Variants in USP47 observed in about 807,000 individuals in gnomAD.
USP47 encodes ubiquitin specific peptidase 47.
Under a neutral mutation model 165.1 loss-of-function variants are expected in USP47, and 35 were observed. The ratio of observed to expected loss-of-function variants is 0.21; its 90% confidence interval spans 0.16 to 0.28. The LOEUF (loss-of-function observed/expected upper bound fraction) is 0.28, where lower values mean the gene tolerates loss of function less well. USP47 is among the 10% of genes least tolerant of loss of function. The probability of loss-of-function intolerance (pLI) is 1.00; values close to 1 mark genes in which losing one functional copy is unlikely to be tolerated. For synonymous variants in USP47, 531 were observed against 544.5 expected (o/e 0.98, Z 0.35); for missense variants, 1,277 against 1,607.4 (o/e 0.79, Z 3.52).
chr11:11,955,077 A>G lies in USP47; in HGVS notation c.3806A>G (p.His1269Arg). 6.2e-7 allele frequency: 1 copy of G among 1,613,836 alleles called. No individual in the cohort carries two copies. The highest frequency in any genetic ancestry group is 8.5e-7 in the Non-Finnish European group (1 of 1,179,908). Reference protein sequence around the residue: ...FPCDISVLDIHQDLDWNPKVS... With the variant: ...FPCDISVLDIRQDLDWNPKVS... Reference sequence around the variant, plus strand: ...TGTGATATTTCTGTCCTTGATATTCATCAGGATTTAGACTGGAATCCTAAA... The same window carrying G: ...TGTGATATTTCTGTCCTTGATATTCGTCAGGATTTAGACTGGAATCCTAAA... Residue 1269 changes from histidine to arginine, a missense_variant, in exon 27 of 28, where the codon CAT becomes CGT. His to Arg is a conservative substitution (Grantham distance 29, BLOSUM62 0). Coordinates refer to ENST00000527733, the MANE Select transcript of USP47 (RefSeq NM_001282659.2).
At chr11:11,926,769 G>T (rs1590395286) in intron 11 of USP47, among the ~76,000 whole-genome samples, 2 of 140,284 alleles carry the variant, frequency 1.4e-5, no homozygotes, top group Non-Finnish European at 1.6e-5. Flanking sequence ...TTCTATTTCT[G>T]GTTCCTTGTG....
intron 7 of USP47, among the ~76,000 whole-genome samples, chr11:11,905,092 A>G (rs1290848284): frequency 2.0e-5 from 3 of 151,908 alleles, no homozygotes; most frequent in African/African-American, 7.2e-5. Flanking sequence ...CAAAACATTA[A>G]TCGTTCGGTT....
chr11:11,849,542 A>G (rs994462733), intron 1 of USP47, among the ~76,000 whole-genome samples: 9 of 152,214 alleles, frequency 5.9e-5, no homozygotes, highest in Non-Finnish European at 1.2e-4. Context: ...ATTTAGCCCA[A>G]ACTATCTCTC....
Position 11,955,084 on chromosome 11 carries a change from T to C in USP47, c.3813T>C (p.Asp1271=), listed in dbSNP as rs1856475819. 1 of 1,613,804 alleles carries C rather than the reference T, an allele frequency of 6.2e-7. No homozygotes were observed. Among genetic ancestry groups the C allele is most frequent in the African/African-American group, 1.3e-5 (1 of 74,920 alleles). Residue 1271 remains aspartate (D), a synonymous_variant, in exon 27 of 28, where the codon GAT becomes GAC. Transcript: ENST00000527733. ...CDISVLDIHQ[D]LDWNPKVSTL... The stretch of plus-strand genomic sequence containing the variant: ...TTTCTGTCCTTGATATTCATCAGGA[T>C]TTAGACTGGAATCCTAAAGTTTCTA...
At chr11:11,868,947 T>C (rs1393429163) in intron 1 of USP47, among the ~76,000 whole-genome samples, 1 of 152,156 alleles carries the variant, frequency 6.6e-6, no homozygotes, top group Non-Finnish European at 1.5e-5. Context: ...CTTTTCATGA[T>C]TTTTGTCTAT....
chr11:11,954,991 CAGCT>C, intron 26 of USP47, 39 bp from the exon 27 acceptor site: 1 of 1,613,534 alleles, frequency 6.2e-7, no homozygotes, highest in South Asian at 1.1e-5. Flanking sequence ...ATGATAAACA[CAGCT>C]AGTGGCATGA....
chr11:11,955,815 GAAGT>G (rs1423184752), intron 27 of USP47, among the ~76,000 whole-genome samples, 182 bp from the exon 28 acceptor site: 2 of 152,198 alleles, frequency 1.3e-5, no homozygotes, highest in African/African-American at 4.8e-5. Flanking sequence ...GCCACTTTTA[GAAGT>G]AAGCAATATG....
intron 22 of USP47, chr11:11,948,821 GGCCCT>G: frequency 3.0e-6 from 1 of 329,206 alleles, no homozygotes; most frequent in Non-Finnish European, 5.6e-6. Flanking sequence ...CAGTGAACTT[GGCCCT>G]CAGGCCACTG....
intron 8 of USP47, among the ~76,000 whole-genome samples, chr11:11,919,447 A>G (rs1213155334): frequency 6.6e-6 from 1 of 151,936 alleles, no homozygotes; most frequent in Non-Finnish European, 1.5e-5. Flanking sequence ...ACCAATTACT[A>G]AAATAAAAAT....
chr11:11,908,467 A>G lies in USP47; in HGVS notation c.969+2919A>G, dbSNP rs1590351764. On this transcript the variant is annotated intron_variant, in intron 8 of 27. Transcript: ENST00000527733. ...GTTTTTCTTTTTTAAACCTTCATCT[A>G]AAATGTCCAATTTCTGGAGTTGTTT... Among the ~76,000 whole-genome samples, 4 of 152,098 alleles carry G rather than the reference A, an allele frequency of 2.6e-5. No homozygotes were observed. In the South Asian group the frequency reaches 8.3e-4, roughly 32 times the overall value.
chr11:11,951,798 A>G (rs1856243955), intron 24 of USP47: 1 of 152,152 alleles, frequency 6.6e-6, no homozygotes, highest in Admixed American at 6.6e-5. Flanking sequence ...ACCATCTACT[A>G]TGGTGTGTAG....
At chr11:11,845,465 T>G (rs939635831) in intron 1 of USP47, among the ~76,000 whole-genome samples, 1 of 152,194 alleles carries the variant, frequency 6.6e-6, no homozygotes, top group Non-Finnish European at 1.5e-5. Context: ...GGAATAGAAT[T>G]CATTTGGCAA....
intron 1 of USP47, among the ~76,000 whole-genome samples, chr11:11,865,720 T>C (rs1849638468): frequency 6.6e-6 from 1 of 152,164 alleles, no homozygotes; most frequent in Non-Finnish European, 1.5e-5. Flanking sequence ...ATGGCCATCT[T>C]ATAATGGGTG....
intron 23 of USP47, 31 bp downstream of exon 23, chr11:11,950,035 GAAGA>G (rs775156296): frequency 4.7e-6 from 7 of 1,488,218 alleles, no homozygotes; most frequent in Admixed American, 1.7e-5. Flanking sequence ...TCAGCGATTT[GAAGA>G]AAGACTATGT....
Position 11,932,985 on chromosome 11 carries a change from C to G in USP47, c.1652-19C>G, listed in dbSNP as rs1299455003. 6.3e-7 allele frequency: 1 copy of G among 1,595,222 alleles called. No homozygotes were observed. ...TCAGTTTCAGTGACACTGTCTTATC[C>G]TGTTTTTATTACTAATAGAATTTCT... On this transcript the variant is annotated intron_variant, in intron 14 of 27. Coordinates refer to ENST00000527733, the MANE Select transcript of USP47 (RefSeq NM_001282659.2).
chr11:11,956,810 G>A lies in USP47; in HGVS notation c.*635G>A, dbSNP rs1046369422. 2.0e-5 allele frequency: 3 copies of A among 152,506 alleles called. No homozygotes were observed. Among genetic ancestry groups the A allele is most frequent in the East Asian group, 1.9e-4 (1 of 5,202 alleles). 9.4% of individuals were successfully genotyped at this position (152,506 alleles called of 1,614,324 possible). The stretch of plus-strand genomic sequence containing the variant: ...AACATCAGAACGTTTCCCTTAGACC[G>A]ATCCCAGCAGGTGGCAGCTCAGATT... On this transcript the variant is annotated 3_prime_UTR_variant, in exon 28 of 28. Coordinates refer to ENST00000527733, the MANE Select transcript of USP47 (RefSeq NM_001282659.2).
chr11:11,904,337 G>A (rs148762236), intron 7 of USP47, among the ~76,000 whole-genome samples: 12 of 152,278 alleles, frequency 7.9e-5, no homozygotes, highest in East Asian at 7.7e-4. Flanking sequence ...GACAGTGACG[G>A]TCAATCCAGT....
intron 7 of USP47, 93 bp downstream of exon 7, chr11:11,903,435 T>C: frequency 1.7e-6 from 2 of 1,210,816 alleles, no homozygotes; most frequent in Non-Finnish European, 2.4e-6. Context: ...TTTTAAAACT[T>C]GGGCATTAGT....
chr11:11,949,348 TGAAGAACTA>T (rs1856068636), intron 22 of USP47, among the ~76,000 whole-genome samples: 2 of 152,128 alleles, frequency 1.3e-5, no homozygotes, highest in Admixed American at 6.6e-5. Flanking sequence ...AGCATCCTGT[TGAAGAACTA>T]GACAAATGTG....
Sources: gnomAD v4.1 joint callset for allele counts (sites outside exome capture counted in the v4.1 genomes callset) on GRCh38, gnomAD v4.1.1 for gene constraint, MANE v1.5 for transcripts, NCBI Gene and HGNC (gene_info 2026-07-23, HGNC 2026-07-21) for gene names.